Variants in FLI1 observed in about 807,000 individuals in gnomAD.
FLI1 encodes the protein Friend leukemia integration 1 transcription factor.
FLI1 carries 13 observed loss-of-function variants against 53.1 expected under a neutral mutation model. That is an observed-to-expected ratio of 0.24 (90% confidence interval 0.16 to 0.39). FLI1 has a LOEUF of 0.39. FLI1 is among the 10% of genes least tolerant of loss of function. The pLI is 1.00. For synonymous variants in FLI1, 244 were observed against 236.7 expected (o/e 1.03, Z -0.28); for missense variants, 424 against 600.5 (o/e 0.71, Z 3.07).
intron 5 of FLI1, among the ~76,000 whole-genome samples, chr11:128,801,089 A>G (rs1174238539): frequency 6.6e-6 from 1 of 152,144 alleles, no homozygotes; most frequent in East Asian, 1.9e-4. Flanking sequence ...ATTTTTACAC[A>G]CTGGGCCTTT....
intron 1 of FLI1, among the ~76,000 whole-genome samples, chr11:128,696,306 A>T (rs769007484): frequency 5.1e-4 from 77 of 152,194 alleles, no homozygotes; most frequent in Non-Finnish European, 9.8e-4. Context: ...ATTCTGCAAG[A>T]TTGAGCCTTT....
At chr11:128,765,948 T>C (rs570824239) in intron 2 of FLI1, among the ~76,000 whole-genome samples, 2 of 152,326 alleles carry the variant, frequency 1.3e-5, no homozygotes, top group East Asian at 3.9e-4. Flanking sequence ...TGTTGGAATG[T>C]GTACAGTGCA....
chr11:128,801,645 T>C (rs1281119168), intron 5 of FLI1, among the ~76,000 whole-genome samples: 1 of 152,210 alleles, frequency 6.6e-6, no homozygotes, highest in African/African-American at 2.4e-5. Context: ...GCCTGGAGGC[T>C]TAATTTCGTG....
Position 128,694,272 on chromosome 11 carries a change from T to C in FLI1, c.14T>C (p.Ile5Thr), listed in dbSNP as rs756020021. The C allele has an allele frequency of 7.1e-7, 1 of 1,406,916 alleles. No homozygotes were observed. Among genetic ancestry groups the C allele is most frequent in the Admixed American group, 2.8e-5 (1 of 35,266 alleles). 87.2% of individuals were successfully genotyped at this position (1,406,916 alleles called of 1,614,324 possible). MDGT[I>T]KEALSVVSDD... ...AGACTTGGCCAAATGGACGGGACTA[T>C]TAAGGTAAGCGGCGGGGCAACGGAC... Residue 5 changes from isoleucine (I) to threonine (T), a missense_variant, in exon 1 of 9, where the codon ATT (isoleucine) becomes ACT (threonine). This residue lies in a region of FLI1 where 137 missense variants were observed against 169.1 expected (regional missense o/e 0.81). Transcript: ENST00000527786.
intron 1 of FLI1, among the ~76,000 whole-genome samples, chr11:128,746,948 G>A (rs1233658528): frequency 1.3e-5 from 2 of 152,210 alleles, no homozygotes; most frequent in South Asian, 4.1e-4. Context: ...TGTCCATGAA[G>A]GGAAGCAAGC....
chr11:128,801,241 G>A (rs913458613), intron 5 of FLI1, among the ~76,000 whole-genome samples: 1 of 152,174 alleles, frequency 6.6e-6, no homozygotes, highest in Non-Finnish European at 1.5e-5. Flanking sequence ...GGAGAGTCGG[G>A]GCAGGAGCTC....
chr11:128,811,363 T>A lies in FLI1; in HGVS notation c.*375T>A, dbSNP rs1053110283. 3.0e-6 allele frequency: 1 copy of A among 330,678 alleles called. No individual in the cohort carries two copies. Among genetic ancestry groups the A allele is most frequent in the East Asian group, 5.3e-5 (1 of 18,858 alleles). 20.5% of individuals were successfully genotyped at this position (330,678 alleles called of 1,614,324 possible). ...TCTTGTCAATACACGGGGTTCAGTA[T>A]GACACAGAATCATGGACTTAACCCG... On this transcript the variant is annotated 3_prime_UTR_variant, in exon 9 of 9. Coordinates refer to ENST00000527786, the MANE Select transcript of FLI1 (RefSeq NM_002017.5).
chr11:128,706,040 G>A (rs1363773838), intron 1 of FLI1, among the ~76,000 whole-genome samples: 6 of 152,136 alleles, frequency 3.9e-5, no homozygotes, highest in Non-Finnish European at 8.8e-5. Context: ...CATTTTCAGT[G>A]CACAAGCACC....
intron 5 of FLI1, among the ~76,000 whole-genome samples, chr11:128,785,853 G>C (rs905958116): frequency 1.3e-5 from 2 of 152,186 alleles, no homozygotes; most frequent in African/African-American, 4.8e-5. Flanking sequence ...GTGGAAATAG[G>C]GTGTTAGTGT....
At chr11:128,758,027 TG>T in intron 1 of FLI1, 87 bp from the exon 2 acceptor site, 1 of 1,213,350 alleles carries the variant, frequency 8.2e-7, no homozygotes, top group Non-Finnish European at 1.2e-6. Context: ...GGGGCAGCCC[TG>T]GGCCACCTTG....
chr11:128,757,096 CTTTCTT>C (rs756133287), intron 1 of FLI1, among the ~76,000 whole-genome samples: 2,417 of 139,112 alleles, frequency 0.017, 57 homozygotes, highest in East Asian at 0.076. Flanking sequence ...TTCTTTCTTT[CTTTCTT>C]TCTTTCTTTC....
Position 128,758,110 on chromosome 11 carries a change from T to A in FLI1, c.19-5T>A, listed in dbSNP as rs1287941141. ...GGGCTTTCTGTCTCTTCTCTGGCCC[T>A]GCAGGAGGCTCTGTCGGTGGTGAGC... is the stretch of plus-strand genomic sequence containing the variant. On this transcript the variant is annotated splice_polypyrimidine_tract_variant and splice_region_variant and intron_variant, in intron 1 of 8. Coordinates refer to ENST00000527786, the MANE Select transcript of FLI1 (RefSeq NM_002017.5). The A allele has an allele frequency of 6.2e-7, 1 of 1,609,508 alleles. No individual in the cohort carries two copies. The highest frequency in any genetic ancestry group is 1.7e-5 in the Admixed American group (1 of 59,538).
rs546849429 is a variant in FLI1, at chr11:128,768,323, G to T, written c.385+51G>T. On this transcript the variant is annotated intron_variant, in intron 3 of 8. Transcript: ENST00000527786. ...GCGCCATTCACTTCCCCACTCTCTG[G>T]GGGGGCAGGGAGCATCTAAACCTTT... 21 of 1,450,736 alleles carry T rather than the reference G, an allele frequency of 1.4e-5. No individual in the cohort carries two copies. In the South Asian group the frequency reaches 2.0e-4, roughly 14 times the overall value. The allele number at this position is 1,450,736 out of a possible 1,614,324, so 89.9% of individuals were successfully genotyped here.
intron 5 of FLI1, among the ~76,000 whole-genome samples, chr11:128,795,117 T>C (rs1367449029): frequency 6.6e-6 from 1 of 152,216 alleles, no homozygotes; most frequent in Non-Finnish European, 1.5e-5. Context: ...GCCTCTTTGA[T>C]AAAGTTTAAA....
intron 5 of FLI1, among the ~76,000 whole-genome samples, chr11:128,788,095 T>G (rs1249773767): frequency 6.6e-6 from 1 of 152,030 alleles, no homozygotes; most frequent in Non-Finnish European, 1.5e-5. Flanking sequence ...CTAATTACAG[T>G]ATTTTTGAGG....
chr11:128,798,703 A>G (rs754819813), intron 5 of FLI1, among the ~76,000 whole-genome samples: 5 of 151,856 alleles, frequency 3.3e-5, no homozygotes, highest in Non-Finnish European at 5.9e-5. Context: ...TCCTCCTTCC[A>G]AGGTCTCAGT....
intron 5 of FLI1, among the ~76,000 whole-genome samples, chr11:128,783,407 G>A (rs1313725575): frequency 6.6e-6 from 1 of 152,110 alleles, no homozygotes; most frequent in African/African-American, 2.4e-5. Flanking sequence ...TAATGAATCC[G>A]CTTTTAAACA....
chr11:128,735,789 C>T (rs891107445), intron 1 of FLI1, among the ~76,000 whole-genome samples: 1 of 152,194 alleles, frequency 6.6e-6, no homozygotes, highest in African/African-American at 2.4e-5. Context: ...AGTCTCTTTG[C>T]AAATTCATAT....
chr11:128,725,083 G>T (rs896324623), intron 1 of FLI1, among the ~76,000 whole-genome samples: 1 of 152,096 alleles, frequency 6.6e-6, no homozygotes, highest in African/African-American at 2.4e-5. Flanking sequence ...AACTATAATT[G>T]ACCACCACAA....
Sources: gnomAD v4.1 joint callset for allele counts (sites outside exome capture counted in the v4.1 genomes callset) on GRCh38, gnomAD v4.1.1 for gene constraint, gnomAD v4.1.1 regional missense constraint, MANE v1.5 for transcripts, NCBI Gene and HGNC (gene_info 2026-07-23, HGNC 2026-07-21) for gene names.